The following N4BP2 variants were observed in gnomAD, a reference collection of about 807,000 sequenced individuals.
The protein encoded by N4BP2 is NEDD4-binding protein 2.
A neutral mutation model predicts 152.8 loss-of-function variants in N4BP2; 91 were observed. The ratio of observed to expected loss-of-function variants is 0.60; its 90% CI spans 0.50 to 0.71. The LOEUF is 0.71. Ranked by LOEUF, N4BP2 falls within the 30% of genes least tolerant of loss-of-function variation. The probability of loss-of-function intolerance (pLI) is 0.00; values close to 1 mark genes in which losing one functional copy is unlikely to be tolerated. For synonymous variants in N4BP2, 646 were observed against 705.3 expected (o/e 0.92, Z 1.33); for missense variants, 1,923 against 2,059.1 (o/e 0.93, Z 1.28).
intron 12 of N4BP2, among the ~76,000 whole-genome samples, chr4:40,130,808 C>T (rs1451303575): frequency 1.3e-5 from 2 of 152,080 alleles, no homozygotes; most frequent in African/African-American, 4.8e-5. Flanking sequence ...GCCTTTGAAA[C>T]TGTATAGGAA....
chr4:40,122,333 G>A (rs765304007), intron 9 of N4BP2, 24 bp downstream of exon 9: 19 of 1,463,572 alleles, frequency 1.3e-5, no homozygotes, highest in Admixed American at 2.1e-5. Context: ...AAATGACCAT[G>A]TGTGTGTCTT....
chr4:40,172,952 G>A, the N4BP2 span, among the ~76,000 whole-genome samples: 3 of 151,596 alleles, frequency 2.0e-5, no homozygotes, highest in South Asian at 2.1e-4. Flanking sequence ...TTTTGCAAAA[G>A]CACCACCCAG....
chr4:40,083,098 C>T (rs1409716662), intron 2 of N4BP2: 3 of 172,682 alleles, frequency 1.7e-5, no homozygotes, highest in Non-Finnish European at 3.8e-5. Flanking sequence ...TATTATGAAG[C>T]GGGGTTGGGG....
At chr4:40,189,123 C>A in the N4BP2 span, among the ~76,000 whole-genome samples, 9 of 151,650 alleles carry the variant, frequency 5.9e-5, no homozygotes, top group East Asian at 1.7e-3. The surrounding 1 kb of genome is among the most constrained non-coding windows in gnomAD (Gnocchi z 4.3). Context: ...TCCAGCCTGG[C>A]GCCAGAGCGG....
the N4BP2 span, among the ~76,000 whole-genome samples, chr4:40,187,353 C>CA: frequency 3.3e-5 from 5 of 150,422 alleles, no homozygotes; most frequent in African/African-American, 4.9e-5. Context: ...GACATTTGTG[C>CA]AAAAAAAAAT....
chr4:40,071,711 C>T (rs1712202795), intron 1 of N4BP2, among the ~76,000 whole-genome samples: 11 of 151,668 alleles, frequency 7.3e-5, no homozygotes, highest in Admixed American at 7.2e-4. Flanking sequence ...GGACTACAGG[C>T]TCTCGCCACC....
rs1721278631 is a variant in N4BP2, at chr4:40,152,975, T to C, written c.5267+72T>C. 7 of 1,492,186 alleles carry C rather than the reference T, an allele frequency of 4.7e-6. No individual in the cohort carries two copies. The Admixed American group carries it at 7.2e-5, about 15-fold the overall frequency. 92.4% of individuals were successfully genotyped at this position (1,492,186 alleles called of 1,614,324 possible). A position where few individuals can be genotyped will look rare whatever the true frequency, so the allele number is the denominator to read the frequency against. ...TCTTTATCAGATATTTCTGTGAGTA[T>C]AGATTTCTGTTATTGATAATAGCAA... On this transcript the variant is annotated intron_variant, in intron 17 of 17. Transcript: ENST00000261435.
chr4:40,108,799 A>G (rs1031798526), intron 5 of N4BP2, among the ~76,000 whole-genome samples: 2 of 151,474 alleles, frequency 1.3e-5, no homozygotes, highest in African/African-American at 4.8e-5. Flanking sequence ...TTGTTAAGAT[A>G]TAGGGACTGT....
chr4:40,141,212 CG>C (rs1422798604), intron 14 of N4BP2, among the ~76,000 whole-genome samples: 4 of 135,270 alleles, frequency 3.0e-5, no homozygotes, highest in Admixed American at 7.7e-5. Flanking sequence ...GCTGGCCTGG[CG>C]GGGGGCTGAC....
chr4:40,086,886 C>A (rs1006146653), intron 2 of N4BP2, among the ~76,000 whole-genome samples: 9 of 151,698 alleles, frequency 5.9e-5, no homozygotes, highest in Admixed American at 5.9e-4. Flanking sequence ...TAGCTGGGAC[C>A]ACAGGTGAAC....
Position 40,115,636 on chromosome 4 carries a change from ACT to A in N4BP2, c.1664+2129_1664+2130del, listed in dbSNP as rs764663160. Among the ~76,000 whole-genome samples, 205 of 152,274 alleles carry A rather than the reference ACT, an allele frequency of 1.3e-3. 1 individual carries two copies. Among genetic ancestry groups the A allele is most frequent in the Non-Finnish European group, 2.4e-3 (162 of 68,008 alleles). On this transcript the variant is annotated intron_variant, in intron 7 of 17. Coordinates refer to ENST00000261435, the MANE Select transcript of N4BP2 (RefSeq NM_018177.6). ...TTCTTTAACTCTTGGGTTATGTCGT[ACT>A]GTGTTTTTAAATTTCTGAACAGATG...
chr4:40,109,963 C>G (rs1716715100), intron 5 of N4BP2, among the ~76,000 whole-genome samples: 1 of 152,188 alleles, frequency 6.6e-6, no homozygotes, highest in South Asian at 2.1e-4. Context: ...AATTTTAGAA[C>G]ATTTTTATCA....
rs1717505245 is a variant in N4BP2 at position 40,117,951 on chromosome 4, A to G, written c.1747A>G (p.Met583Val). 2.5e-6 allele frequency: 4 copies of G among 1,612,892 alleles called. No individual in the cohort carries two copies. The South Asian group carries it at 4.4e-5, about 18-fold the overall frequency. The change falls in exon 8 of 18, where the codon ATG (methionine) becomes GTG (valine). Residue 583 changes from methionine to valine, a missense_variant. Met to Val is a conservative substitution (Grantham distance 21, BLOSUM62 1). Coordinates refer to ENST00000261435, the MANE Select transcript of N4BP2 (RefSeq NM_018177.6). ...YQRFVSVPII[M>V]SSSVPEKIER... ...ACGTTTTGTTTCAGTGCCAATAATT[A>G]TGAGTTCTTCGGTTCCAGAGAAAAT...
chr4:40,102,655 A>G lies in N4BP2; in HGVS notation c.810A>G (p.Leu270=). Residue 270 remains leucine, a synonymous_variant, in exon 4 of 18, where the codon TTA becomes TTG. Coordinates refer to ENST00000261435, the MANE Select transcript of N4BP2 (RefSeq NM_018177.6). The part of the protein sequence containing the change: ...SSLNQKQKEL[L]ESECVEAQFS... ...TCAATCAAAAACAGAAAGAACTTTT[A>G]GAATCTGAGTGCGTTGAGGCTCAAT... 1 of 1,614,196 alleles carries G rather than the reference A, an allele frequency of 6.2e-7. No individual in the cohort carries two copies.
intron 5 of N4BP2, among the ~76,000 whole-genome samples, chr4:40,110,413 T>C (rs1395815676): frequency 1.3e-5 from 2 of 152,214 alleles, no homozygotes; most frequent in Non-Finnish European, 2.9e-5. Context: ...CTTGTTATTG[T>C]CCGTTTTTTT....
intron 3 of N4BP2, among the ~76,000 whole-genome samples, chr4:40,100,989 C>G (rs557995697): frequency 6.6e-6 from 1 of 152,296 alleles, no homozygotes; most frequent in African/African-American, 2.4e-5. Context: ...CCCAATCGAC[C>G]TCCTTCTAGG....
chr4:40,133,091 G>C (rs1719042961), intron 13 of N4BP2, among the ~76,000 whole-genome samples: 2 of 152,044 alleles, frequency 1.3e-5, no homozygotes, highest in Non-Finnish European at 2.9e-5. Context: ...TTCTCAGAGA[G>C]AGAATCTTGG....
At chr4:40,076,955 T>C (rs1712803740) in intron 2 of N4BP2, among the ~76,000 whole-genome samples, 1 of 152,176 alleles carries the variant, frequency 6.6e-6, no homozygotes, top group South Asian at 2.1e-4. Flanking sequence ...GGAAGTTGTT[T>C]GCTGATCGTG....
intron 1 of N4BP2, among the ~76,000 whole-genome samples, chr4:40,071,106 G>C (rs2109897059): frequency 6.6e-6 from 1 of 152,148 alleles, no homozygotes; most frequent in East Asian, 1.9e-4. Flanking sequence ...GTAATCTTGA[G>C]TCTTTTTAAA....
Sources: gnomAD v4.1 joint callset for allele counts (sites outside exome capture counted in the v4.1 genomes callset) on GRCh38, gnomAD v4.1.1 for gene constraint, Gnocchi (gnomAD v3.1) non-coding constraint, MANE v1.5 for transcripts, NCBI Gene and HGNC (gene_info 2026-07-23, HGNC 2026-07-21) for gene names.